Variants in RESF1 observed in about 807,000 individuals in gnomAD.
RESF1 encodes retroelement silencing factor 1, also known as gonad expressed transcript.
In RESF1, 65 loss-of-function variants were observed where a neutral mutation model predicts 134.7. The observed-to-expected ratio is 0.48, with a 90% CI of 0.40 to 0.59. The LOEUF is 0.59. Ranked by LOEUF, RESF1 falls within the 20% of genes least tolerant of loss-of-function variation. The pLI is 0.00. For missense variants in RESF1, 2,274 were observed against 2,002.7 expected (o/e 1.14, Z -2.59); for synonymous variants, 762 against 702.2 (o/e 1.09, Z -1.35).
Position 31,992,379 on chromosome 12 carries a change from T to A in RESF1, c.5088T>A (p.Asp1696Glu). 1.2e-6 allele frequency: 2 copies of A among 1,607,272 alleles called. No homozygotes were observed. Among genetic ancestry groups the A allele is most frequent in the Non-Finnish European group, 8.5e-7 (1 of 1,176,774 alleles). ...AAGTAAAGTTTTTATTTCCCTTAGA[T>A]AATGTTAATTCAAGACTCTCGAAGA... ...KRTQKDSQER[D>E]NVNSRLSKRS... The change falls in exon 6 of 6, where the codon GAT becomes GAA. Residue 1696 changes from aspartate to glutamate, a missense_variant and splice_region_variant. Asp to Glu is a conservative substitution (Grantham distance 45). Coordinates refer to ENST00000312561, the MANE Select transcript of RESF1 (RefSeq NM_018169.4).
chr12:31,979,304 T>A (rs1029554515), intron 3 of RESF1, among the ~76,000 whole-genome samples: 1 of 152,180 alleles, frequency 6.6e-6, no homozygotes, highest in South Asian at 2.1e-4. Context: ...GGCTTGTGAT[T>A]TGATTCAGTT....
intron 2 of RESF1, among the ~76,000 whole-genome samples, chr12:31,962,265 T>A (rs1477328750): frequency 2.0e-5 from 3 of 148,454 alleles, no homozygotes; most frequent in African/African-American, 2.5e-5. Context: ...ATTTCAAGAA[T>A]CTAATCAGGC....
In RESF1 at chr12:31,992,392, A is replaced by C. The variant is rs1940112354; in HGVS notation, c.5101A>C (p.Arg1701=). The part of the protein sequence containing the change: ...DSQERDNVNS[R]LSKRSFSADG... ...ATTTCCCTTAGATAATGTTAATTCA[A>C]GACTCTCGAAGAGAAGCTTCAGTGC... Residue 1701 remains arginine, a synonymous_variant, in exon 6 of 6, where the codon AGA becomes CGA. Coordinates refer to ENST00000312561, the MANE Select transcript of RESF1 (RefSeq NM_018169.4). 1.9e-6 allele frequency: 3 copies of C among 1,611,276 alleles called. No homozygotes were observed. In the East Asian group the frequency reaches 6.7e-5, roughly 36 times the overall value.
At chr12:31,963,252 A>G (rs1939321525) in intron 2 of RESF1, among the ~76,000 whole-genome samples, 1 of 151,890 alleles carries the variant, frequency 6.6e-6, no homozygotes, top group African/African-American at 2.4e-5. Flanking sequence ...AGGCTGAGAT[A>G]GGAGAATTGC....
intron 2 of RESF1, among the ~76,000 whole-genome samples, chr12:31,967,675 TG>T (rs1184731306): frequency 1.3e-5 from 2 of 151,056 alleles, no homozygotes; most frequent in East Asian, 2.0e-4. Flanking sequence ...TTGTTTTTTT[TG>T]TGTGTGTGTG....
rs746786063 is a variant in RESF1, at chr12:31,985,658, G to T, written c.4703G>T (p.Ser1568Ile). Residue 1568 changes from serine (S) to isoleucine (I), a missense_variant, in exon 4 of 6, where the codon AGC becomes ATC. By Grantham distance (142) the Ser-to-Ile change is moderately radical (BLOSUM62 -2). Transcript: ENST00000312561. ...LTNISNEAQFSQMPPQVKDQK... is the reference protein window; with the variant it reads ...LTNISNEAQFIQMPPQVKDQK... ...AATATAAGCAACGAAGCTCAATTCA[G>T]CCAAATGCCTCCCCAAGTAAAGGAT... 5.4e-5 allele frequency: 87 copies of T among 1,612,986 alleles called. No homozygotes were observed. Among genetic ancestry groups the T allele is most frequent in the Non-Finnish European group, 7.0e-5 (83 of 1,179,798 alleles).
intron 1 of RESF1, 197 bp downstream of exon 1, chr12:31,959,688 C>G (rs944831447): frequency 6.6e-6 from 1 of 151,018 alleles, no homozygotes; most frequent in Admixed American, 6.6e-5. Flanking sequence ...CGCGTCCCGC[C>G]GTCCGCCCAC....
chr12:31,990,253 G>A (rs527700895), intron 5 of RESF1, among the ~76,000 whole-genome samples: 1 of 152,278 alleles, frequency 6.6e-6, no homozygotes, highest in East Asian at 1.9e-4. Flanking sequence ...TGAATGTGAG[G>A]CTGAAATACT....
At chr12:31,966,001 T>C (rs1939390928) in intron 2 of RESF1, among the ~76,000 whole-genome samples, 1 of 152,168 alleles carries the variant, frequency 6.6e-6, no homozygotes, top group African/African-American at 2.4e-5. Flanking sequence ...TCATGTATAC[T>C]TGGGGGTGCT....
intron 5 of RESF1, among the ~76,000 whole-genome samples, chr12:31,988,645 G>A (rs999795237): frequency 1.9e-4 from 29 of 151,924 alleles, no homozygotes; most frequent in African/African-American, 6.8e-4. Flanking sequence ...TTATTTGCTG[G>A]GAAGGGATTT....
chr12:31,990,266 G>C (rs1459707915), intron 5 of RESF1, among the ~76,000 whole-genome samples: 1 of 152,066 alleles, frequency 6.6e-6, no homozygotes, highest in African/African-American at 2.4e-5. Context: ...GAAATACTCA[G>C]AATCATGATG....
intron 5 of RESF1, among the ~76,000 whole-genome samples, chr12:31,990,944 C>G (rs543892223): frequency 7.9e-5 from 12 of 152,146 alleles, no homozygotes; most frequent in Non-Finnish European, 1.6e-4. Context: ...GTGTGTCATC[C>G]CAGCACTTGG....
At chr12:31,986,519 G>C (rs756027161) in intron 4 of RESF1, among the ~76,000 whole-genome samples, 2 of 152,214 alleles carry the variant, frequency 1.3e-5, no homozygotes, top group Non-Finnish European at 2.9e-5. Flanking sequence ...TCATAAGATA[G>C]AAGAACCTTG....
intron 3 of RESF1, among the ~76,000 whole-genome samples, chr12:31,980,042 A>C (rs1237560468): frequency 6.6e-6 from 1 of 151,214 alleles, no homozygotes; most frequent in Non-Finnish European, 1.5e-5. Context: ...GTGCATACAG[A>C]GTTCATTATG....
chr12:31,988,106 T>C (rs1465331451), intron 5 of RESF1, among the ~76,000 whole-genome samples: 2 of 152,156 alleles, frequency 1.3e-5, no homozygotes, highest in Non-Finnish European at 2.9e-5. Flanking sequence ...ATTCAATTAT[T>C]TACATGTTAA....
At chr12:31,962,320 G>C (rs1939291745) in intron 2 of RESF1, among the ~76,000 whole-genome samples, 1 of 151,606 alleles carries the variant, frequency 6.6e-6, no homozygotes, top group Admixed American at 6.6e-5. Context: ...ATGTAAAACA[G>C]ACAGGGAGTG....
In RESF1 at chr12:31,983,110, G is replaced by A. The variant is rs1404747668; in HGVS notation, c.2155G>A (p.Val719Ile). 6.2e-7 allele frequency: 1 copy of A among 1,611,378 alleles called. No individual in the cohort carries two copies. Among genetic ancestry groups the A allele is most frequent in the South Asian group, 1.1e-5 (1 of 90,712 alleles). The part of the protein sequence containing the change: ...ANIHVKSPCS[V>I]VGNSNSQNKI... ...CATCCACGTTAAGAGTCCTTGTTCA[G>A]TTGTGGGAAATTCAAATTCTCAGAA... The change falls in exon 4 of 6, where the codon GTT (valine) becomes ATT (isoleucine). Residue 719 changes from valine (V) to isoleucine (I), a missense_variant. Val to Ile is a conservative substitution (Grantham distance 29, BLOSUM62 3). Coordinates refer to ENST00000312561, the MANE Select transcript of RESF1 (RefSeq NM_018169.4).
chr12:31,967,313 G>A (rs10771892), intron 2 of RESF1, among the ~76,000 whole-genome samples: 1 of 151,958 alleles, frequency 6.6e-6, no homozygotes, highest in South Asian at 2.1e-4. Flanking sequence ...GGAGGATTGC[G>A]AGTCTTTGTT....
At chr12:31,987,523 A>G (rs1306222336) in intron 5 of RESF1, among the ~76,000 whole-genome samples, 2 of 149,876 alleles carry the variant, frequency 1.3e-5, no homozygotes, top group African/African-American at 4.9e-5. Flanking sequence ...GCTTTATTTT[A>G]TTTTAATAGG....
Sources: gnomAD v4.1 joint callset for allele counts (sites outside exome capture counted in the v4.1 genomes callset) on GRCh38, gnomAD v4.1.1 for gene constraint, MANE v1.5 for transcripts, NCBI Gene and HGNC (gene_info 2026-07-23, HGNC 2026-07-21) for gene names.